Variants in RNF144B observed in about 807,000 individuals in gnomAD.
RNF144B encodes the protein E3 ubiquitin-protein ligase RNF144B.
RNF144B carries 25 observed loss-of-function variants against 40.2 expected under a neutral mutation model. That is an observed-to-expected ratio of 0.62 (90% CI 0.45 to 0.87). The LOEUF is 0.87. Ranked by LOEUF, RNF144B falls within the 40% of genes least tolerant of loss-of-function variation. The probability of loss-of-function intolerance (pLI) is 0.00; values close to 1 mark genes in which losing one functional copy is unlikely to be tolerated. For synonymous variants in RNF144B, 145 were observed against 136.3 expected, an observed-to-expected ratio of 1.06 and a Z score of -0.44; for missense variants, 365 against 373.7, an observed-to-expected ratio of 0.98 and a Z score of 0.19.
In RNF144B at chr6:18,446,277, T is replaced by TA. The variant is rs67191868; in HGVS notation, c.331+6539dup. Among the ~76,000 whole-genome samples, 18,993 of 152,222 alleles carry TA rather than the reference T, an allele frequency of 0.12. 1,361 individuals are homozygous for TA. Among genetic ancestry groups the TA allele is most frequent in the Admixed American group, 0.19 (2,954 of 15,280 alleles). On this transcript the variant is annotated intron_variant, in intron 4 of 7. Transcript: ENST00000259939. The surrounding 1 kb of genome is among the most constrained non-coding windows in gnomAD (Gnocchi z 4.7). ...ATACTGGAATTATAATACATTTCCT[T>TA]AAAAAACCCAGCTCTTTTACCTTCC...
chr6:18,457,257 G>A lies in RNF144B; in HGVS notation c.434G>A (p.Cys145Tyr), dbSNP rs776305623. 1 of 1,614,168 alleles carries A rather than the reference G, an allele frequency of 6.2e-7. No individual in the cohort carries two copies. Among genetic ancestry groups the A allele is most frequent in the Non-Finnish European group, 8.5e-7 (1 of 1,180,000 alleles). The change falls in exon 5 of 8, where the codon TGC becomes TAC. Residue 145 changes from cysteine to tyrosine, a missense_variant. Cys to Tyr is a radical substitution (Grantham distance 194). Transcript: ENST00000259939. This position sits in a 1 kb window ranked among gnomAD's most constrained non-coding sequence, Gnocchi z 5.1. ...CCAGGACAGCCTGTGCTGGTGGAAT[G>A]CCCTTCTTGCCACCTGAAATTCTGC... ...SDPGQPVLVE[C>Y]PSCHLKFCSC...
chr6:18,459,635 C>T lies in RNF144B; in HGVS notation c.565C>T (p.Pro189Ser). The change falls in exon 6 of 8, where the codon CCC becomes TCC. Residue 189 changes from proline to serine, a missense_variant. By Grantham distance (74) the Pro-to-Ser change is moderately conservative. Coordinates refer to ENST00000259939, the MANE Select transcript of RNF144B (RefSeq NM_182757.4). The surrounding 1 kb of genome is among the most constrained non-coding windows in gnomAD (Gnocchi z 4.2). ...RALFGTDAEA[P>S]IKQCPVCRVY... Reference sequence around the variant, plus strand: ...CCTCTTTGGGACAGATGCAGAAGCCCCCATTAAGCAGTGCCCAGTTTGCCG... The same window carrying T: ...CCTCTTTGGGACAGATGCAGAAGCCTCCATTAAGCAGTGCCCAGTTTGCCG... The T allele has an allele frequency of 6.2e-7, 1 of 1,613,754 alleles. No individual in the cohort carries two copies. The highest frequency in any genetic ancestry group is 8.5e-7 in the Non-Finnish European group (1 of 1,179,760).
Position 18,457,264 on chromosome 6 carries a change from T to C in RNF144B, c.441T>C (p.Ser147=). The change falls in exon 5 of 8, where the codon TCT becomes TCC. Residue 147 remains serine (S), a synonymous_variant. Transcript: ENST00000259939. This position sits in a 1 kb window ranked among gnomAD's most constrained non-coding sequence, Gnocchi z 5.1. ...PGQPVLVECP[S]CHLKFCSCCK... ...AGCCTGTGCTGGTGGAATGCCCTTCTTGCCACCTGAAATTCTGCTCGTGTT... is the reference window on the plus strand; with the variant it reads ...AGCCTGTGCTGGTGGAATGCCCTTCCTGCCACCTGAAATTCTGCTCGTGTT... The C allele has an allele frequency of 6.2e-7, 1 of 1,614,136 alleles. No homozygotes were observed. Among genetic ancestry groups the C allele is most frequent in the Non-Finnish European group, 8.5e-7 (1 of 1,179,984 alleles).
chr6:18,411,378 C>T (rs12207843), intron 2 of RNF144B, among the ~76,000 whole-genome samples: 1 of 148,028 alleles, frequency 6.8e-6, no homozygotes, highest in African/African-American at 2.5e-5. Flanking sequence ...TGGTTTATTA[C>T]ATTGAAGATA....
rs1194118284 is a variant in RNF144B at position 18,447,630 on chromosome 6, A to G, written c.331+7886A>G. Reference sequence around the variant, plus strand: ...ACAGTACAGTAGATTATATGTTAAAAGCAGAAGCATTGAAAATGCCCAGAT... The same window carrying G: ...ACAGTACAGTAGATTATATGTTAAAGGCAGAAGCATTGAAAATGCCCAGAT... On this transcript the variant is annotated intron_variant, in intron 4 of 7. Transcript: ENST00000259939. The surrounding 1 kb of genome is among the most constrained non-coding windows in gnomAD (Gnocchi z 5.6). 6.6e-6 allele frequency among the ~76,000 whole-genome samples: 1 copy of G among 152,220 alleles called. No individual in the cohort carries two copies. The highest frequency in any genetic ancestry group is 1.5e-5 in the Non-Finnish European group (1 of 68,040).
intron 4 of RNF144B, among the ~76,000 whole-genome samples, chr6:18,453,124 CTCTT>C (rs200641614): frequency 0.039 from 5,475 of 142,006 alleles, 182 homozygotes; most frequent in Admixed American, 0.11. Context: ...TTCATTTATA[CTCTT>C]TCTGTCTGCT....
rs1562040563 is a variant in RNF144B at position 18,400,318 on chromosome 6, A to G, written c.165+619A>G. On this transcript the variant is annotated intron_variant, in intron 2 of 7. Coordinates refer to ENST00000259939, the MANE Select transcript of RNF144B (RefSeq NM_182757.4). The surrounding 1 kb of genome is among the most constrained non-coding windows in gnomAD (Gnocchi z 5.6). Reference sequence around the variant, plus strand: ...AACATGCTGTAGTTAACTACCACCTATAAGAAACTCACCAGGTATTTTAAA... The same window carrying G: ...AACATGCTGTAGTTAACTACCACCTGTAAGAAACTCACCAGGTATTTTAAA... Among the ~76,000 whole-genome samples, 1 of 152,120 alleles carries G rather than the reference A, an allele frequency of 6.6e-6. No homozygotes were observed. The highest frequency in any genetic ancestry group is 1.5e-5 in the Non-Finnish European group (1 of 68,016).
At chr6:18,411,592 C>CGTA (rs1795049355) in intron 2 of RNF144B, among the ~76,000 whole-genome samples, 2 of 141,496 alleles carry the variant, frequency 1.4e-5, no homozygotes, top group Non-Finnish European at 3.0e-5. Context: ...CAATCTCTGC[C>CGTA]TCCTGGGTTC....
intron 4 of RNF144B, among the ~76,000 whole-genome samples, chr6:18,449,405 A>G (rs1469113826): frequency 6.6e-6 from 1 of 152,186 alleles, no homozygotes; most frequent in East Asian, 1.9e-4. Context: ...TATCTCTAGC[A>G]ATTTTTTTCT....
rs770758922 is a variant in RNF144B, at chr6:18,419,387, T to C, written c.166-8194T>C. Among the ~76,000 whole-genome samples the C allele has an allele frequency of 2.0e-5, 3 of 152,102 alleles. No individual in the cohort carries two copies. The highest frequency in any genetic ancestry group is 4.4e-5 in the Non-Finnish European group (3 of 68,016). ...TATTCTCCTGAGAGCAAATAGGCAGTGGACTAGCACAACTGGTTCTATATA... is the reference window on the plus strand; with the variant it reads ...TATTCTCCTGAGAGCAAATAGGCAGCGGACTAGCACAACTGGTTCTATATA... On this transcript the variant is annotated intron_variant, in intron 2 of 7. Transcript: ENST00000259939. The surrounding 1 kb of genome is among the most constrained non-coding windows in gnomAD (Gnocchi z 4.6).
rs144912090 is a variant in RNF144B, at chr6:18,457,896, A to G, written c.536+537A>G. Among the ~76,000 whole-genome samples the G allele has an allele frequency of 2.6e-3, 396 of 152,178 alleles. 2 individuals carry two copies. Among genetic ancestry groups the G allele is most frequent in the African/African-American group, 9.0e-3 (373 of 41,512 alleles). On this transcript the variant is annotated intron_variant, in intron 5 of 7. Coordinates refer to ENST00000259939, the MANE Select transcript of RNF144B (RefSeq NM_182757.4). This position sits in a 1 kb window ranked among gnomAD's most constrained non-coding sequence, Gnocchi z 5.1. Reference sequence around the variant, plus strand: ...AAGGTTGAGATTTTATCGTGATAGGAAGCAATTAAATCTGTACCTTTTTAG... The same window carrying G: ...AAGGTTGAGATTTTATCGTGATAGGGAGCAATTAAATCTGTACCTTTTTAG...
intron 1 of RNF144B, among the ~76,000 whole-genome samples, chr6:18,392,647 A>T (rs987746796): frequency 1.3e-5 from 2 of 152,198 alleles, no homozygotes; most frequent in Non-Finnish European, 2.9e-5. Flanking sequence ...ACTTTAAGCC[A>T]TGAAACAGTG....
chr6:18,455,159 G>A (rs1582445283), intron 4 of RNF144B, among the ~76,000 whole-genome samples: 1 of 152,280 alleles, frequency 6.6e-6, no homozygotes, highest in South Asian at 2.1e-4. Context: ...GTGTGCCACT[G>A]TTTCCTTGAC....
chr6:18,387,417 G>A lies in RNF144B; in HGVS notation c.-250G>A. 6.8e-6 allele frequency: 8 copies of A among 1,177,768 alleles called. No homozygotes were observed. Among genetic ancestry groups the A allele is most frequent in the Non-Finnish European group, 8.6e-6 (8 of 930,608 alleles). 73.0% of individuals were successfully genotyped at this position (1,177,768 alleles called of 1,614,324 possible). A position where few individuals can be genotyped will look rare whatever the true frequency, so the allele number is the denominator to read the frequency against. The stretch of plus-strand genomic sequence containing the variant: ...CAGCTGCCAGTCAAGGCTAGGAGGC[G>A]GTCGGGGACTCCGCCTCCTCCCGAC... On this transcript the variant is annotated 5_prime_UTR_variant, in exon 1 of 8. Transcript: ENST00000259939.
chr6:18,400,432 T>G lies in RNF144B; in HGVS notation c.165+733T>G, dbSNP rs1025595941. On this transcript the variant is annotated intron_variant, in intron 2 of 7. Coordinates refer to ENST00000259939, the MANE Select transcript of RNF144B (RefSeq NM_182757.4). The surrounding 1 kb of genome is among the most constrained non-coding windows in gnomAD (Gnocchi z 5.6). ...CTTCTACAATGTACATGATATAAAT[T>G]GTACTTTGTCATAGCTCCTTTTATG... Among the ~76,000 whole-genome samples the G allele has an allele frequency of 1.3e-5, 2 of 152,204 alleles. No individual in the cohort carries two copies. Among genetic ancestry groups the G allele is most frequent in the Non-Finnish European group, 2.9e-5 (2 of 68,038 alleles).
intron 3 of RNF144B, among the ~76,000 whole-genome samples, chr6:18,437,389 G>C (rs1171921906): frequency 6.6e-6 from 1 of 152,134 alleles, no homozygotes; most frequent in Non-Finnish European, 1.5e-5. Context: ...CCTGAGCTAT[G>C]ATTGTACCAC....
intron 3 of RNF144B, among the ~76,000 whole-genome samples, chr6:18,438,618 A>G (rs143233687): frequency 8.3e-4 from 127 of 152,338 alleles, no homozygotes; most frequent in African/African-American, 3.0e-3. Flanking sequence ...TTTTGAATGC[A>G]TTATAAAAGG....
intron 2 of RNF144B, among the ~76,000 whole-genome samples, chr6:18,411,070 C>T (rs767060837): frequency 5.3e-5 from 8 of 151,688 alleles, no homozygotes; most frequent in East Asian, 3.9e-4. Flanking sequence ...CTGCAACCTC[C>T]GCCTCCCGGG....
rs576915505 is a variant in RNF144B at position 18,443,268 on chromosome 6, G to T, written c.331+3524G>T. Among the ~76,000 whole-genome samples the T allele has an allele frequency of 6.6e-6, 1 of 152,072 alleles. No homozygotes were observed. Among genetic ancestry groups the T allele is most frequent in the South Asian group, 2.1e-4 (1 of 4,818 alleles). ...TCTTAAGTGATTTTGTTTTTGTTTT[G>T]TTTATTTTTTTTGAGATGGAGTCTC... On this transcript the variant is annotated intron_variant, in intron 4 of 7. Transcript: ENST00000259939. This position sits in a 1 kb window ranked among gnomAD's most constrained non-coding sequence, Gnocchi z 4.7.
Sources: allele counts gnomAD v4.1 joint callset (sites outside exome capture counted in the v4.1 genomes callset), GRCh38; gene constraint gnomAD v4.1.1; non-coding constraint Gnocchi (gnomAD v3.1); transcripts MANE v1.5; gene names NCBI Gene and HGNC (gene_info 2026-07-23, HGNC 2026-07-21).